Variants in TMPRSS9 observed in about 807,000 individuals in gnomAD.
TMPRSS9 encodes transmembrane protease serine 9.
TMPRSS9 carries 113 observed loss-of-function variants against 111.4 expected under a neutral mutation model. That is an observed-to-expected ratio of 1.01 (90% confidence interval 0.87 to 1.19). The LOEUF is 1.19. TMPRSS9 is among the 50% of genes most tolerant of loss of function. The pLI, the probability that TMPRSS9 is intolerant of heterozygous loss-of-function variation, is 0.00. For missense variants in TMPRSS9, 1,803 were observed against 1,513.1 expected, an observed-to-expected ratio of 1.19 and a Z score of -3.18; for synonymous variants, 805 against 659.1, an observed-to-expected ratio of 1.22 and a Z score of -3.39.
At chr19:2,420,766 T>C (rs1971445945) in intron 13 of TMPRSS9, among the ~76,000 whole-genome samples, 1 of 152,228 alleles carries the variant, frequency 6.6e-6, no homozygotes, top group Admixed American at 6.5e-5. Flanking sequence ...GTGTCTTGCA[T>C]AGTCTTTTCT....
At chr19:2,387,281 G>T (rs1970496816), upstream of TMPRSS9, among the ~76,000 whole-genome samples, 1 of 152,084 alleles carries the variant, frequency 6.6e-6, no homozygotes, top group African/African-American at 2.4e-5. Context: ...GATCAACTGA[G>T]GTCAGGAGTT....
chr19:2,389,556 T>C (rs1255526408), upstream of TMPRSS9, among the ~76,000 whole-genome samples: 2 of 151,762 alleles, frequency 1.3e-5, no homozygotes, highest in Non-Finnish European at 2.9e-5. Context: ...TTAGTAGAGA[T>C]GGGGTTTCTC....
At chr19:2,386,805 A>G (rs900244235), upstream of TMPRSS9, among the ~76,000 whole-genome samples, 27 of 151,896 alleles carry the variant, frequency 1.8e-4, no homozygotes, top group Non-Finnish European at 3.5e-4. Flanking sequence ...CAGCCTGGCC[A>G]ATATGGTGAA....
intron 6 of TMPRSS9, 105 bp downstream of exon 7, chr19:2,403,300 C>G (rs1489990943): frequency 1.0e-6 from 1 of 959,974 alleles, no homozygotes; most frequent in East Asian, 2.7e-5. Context: ...GGCACACAGG[C>G]CTGGCATTTA....
rs141717462 is a variant in TMPRSS9, at chr19:2,374,327, C to G, written c.-26+13967C>G. On this transcript the variant is annotated intron_variant, in intron 1 of 17. Transcript: ENST00000649857. ...GTGGCTCACGCCTGTAATCCCCGCA[C>G]TTTGGGAGGCCGAGGCCGGTGGATC... Among the ~76,000 whole-genome samples, 692 of 130,450 alleles carry G rather than the reference C, an allele frequency of 5.3e-3. 5 individuals carry two copies. The highest frequency in any genetic ancestry group is 0.019 in the African/African-American group (665 of 35,008). The allele number at this position is 130,450 out of a possible 152,430, so 85.6% of individuals were successfully genotyped here.
At chr19:2,393,167 C>G (rs561318719) in intron 1 of TMPRSS9, among the ~76,000 whole-genome samples, 18 of 152,100 alleles carry the variant, frequency 1.2e-4, no homozygotes, top group Non-Finnish European at 2.6e-4. Context: ...GGCTTGGGGA[C>G]CTTTTCACAG....
intron 1 of TMPRSS9, among the ~76,000 whole-genome samples, chr19:2,374,709 G>T (rs1970317467): frequency 6.6e-6 from 1 of 152,086 alleles, no homozygotes; most frequent in African/African-American, 2.4e-5. Flanking sequence ...CTTGGAGGAA[G>T]GTTTCTCCTC....
chr19:2,381,355 T>C (rs1215179019), intron 1 of TMPRSS9, among the ~76,000 whole-genome samples: 1 of 151,244 alleles, frequency 6.6e-6, no homozygotes, highest in East Asian at 1.9e-4. Context: ...ACACTGTGTG[T>C]GTGTGTGCGT....
rs370568818 is a variant in TMPRSS9 at position 2,415,851 on chromosome 19, G to A, written c.1745+10G>A. 1.9e-4 allele frequency: 303 copies of A among 1,565,566 alleles called. No homozygotes were observed. Among genetic ancestry groups the A allele is most frequent in the South Asian group, 2.8e-4 (24 of 85,494 alleles). On this transcript the variant is annotated intron_variant, in intron 11 of 17. Coordinates refer to ENST00000648592, the Ensembl canonical transcript of TMPRSS9. ...CCCACTGCTTCAACCAGTAAGGCCC[G>A]CCTCCTCCAGGAAGGCTGCCCGGCT...
At chr19:2,385,710 G>C (rs756173811), upstream of TMPRSS9, among the ~76,000 whole-genome samples, 503 of 152,054 alleles carry the variant, frequency 3.3e-3, 2 homozygotes, top group Middle Eastern at 0.031. Flanking sequence ...AAAATTAACC[G>C]GGTGTGGTGG....
At chr19:2,376,464 T>G (rs1194413751) in intron 1 of TMPRSS9, among the ~76,000 whole-genome samples, 2 of 151,890 alleles carry the variant, frequency 1.3e-5, no homozygotes, top group Non-Finnish European at 1.5e-5. Context: ...GTCATTTCTT[T>G]TTTTTTTCTT....
upstream of TMPRSS9, among the ~76,000 whole-genome samples, chr19:2,385,688 A>G (rs1970462983): frequency 6.6e-6 from 1 of 151,922 alleles, no homozygotes; most frequent in Non-Finnish European, 1.5e-5. Flanking sequence ...CCCAATCTCT[A>G]CAGAGTATAA....
rs1004933799 is a variant in TMPRSS9, at chr19:2,410,533, C to T, written c.1254+139C>T. On this transcript the variant is annotated intron_variant, in intron 9 of 17. Coordinates refer to ENST00000648592, the Ensembl canonical transcript of TMPRSS9. ...GACCCCAGAAAAACACAGACACGAGCGTGTTCAAATGCTGGGCGATTCACA... is the reference window on the plus strand; with the variant it reads ...GACCCCAGAAAAACACAGACACGAGTGTGTTCAAATGCTGGGCGATTCACA... The T allele has an allele frequency of 4.8e-6, 6 of 1,239,422 alleles. No homozygotes were observed. The East Asian group carries it at 7.7e-5, about 16-fold the overall frequency. 76.8% of individuals were successfully genotyped at this position (1,239,422 alleles called of 1,614,324 possible). A position where few individuals can be genotyped will look rare whatever the true frequency, so the allele number is the denominator to read the frequency against.
chr19:2,374,463 A>G (rs934795637), intron 1 of TMPRSS9, among the ~76,000 whole-genome samples: 8 of 151,618 alleles, frequency 5.3e-5, no homozygotes, highest in African/African-American at 1.9e-4. Flanking sequence ...AGTCCCAGCT[A>G]CTTGGGAGAC....
rs1002852573 is a variant in TMPRSS9 at position 2,371,887 on chromosome 19, G to A, written c.-26+11527G>A. Among the ~76,000 whole-genome samples the A allele has an allele frequency of 3.9e-5, 6 of 152,294 alleles. 1 individual carries two copies. The highest frequency in any genetic ancestry group is 4.1e-4 in the South Asian group (2 of 4,824). The stretch of plus-strand genomic sequence containing the variant: ...GGCCAGAGGATGCCGAGAGAGTGGC[G>A]TCTGTTGGGCTGGAGGCTGGTCGAG... On this transcript the variant is annotated intron_variant, in intron 1 of 17. Transcript: ENST00000649857.
At chr19:2,412,739 G>A (rs1043040393) in intron 9 of TMPRSS9, among the ~76,000 whole-genome samples, 1 of 152,116 alleles carries the variant, frequency 6.6e-6, no homozygotes, top group Admixed American at 6.6e-5. Context: ...TTTTAGCATG[G>A]CTGTGGATTC....
At chr19:2,374,026 TGAG>T (rs1245456275) in intron 1 of TMPRSS9, among the ~76,000 whole-genome samples, 2 of 152,112 alleles carry the variant, frequency 1.3e-5, no homozygotes, top group African/African-American at 2.4e-5. Context: ...TGTCTATCCT[TGAG>T]GAGTTGAGAG....
chr19:2,393,214 C>T (rs190688305), intron 1 of TMPRSS9, among the ~76,000 whole-genome samples: 1 of 152,282 alleles, frequency 6.6e-6, no homozygotes, highest in Admixed American at 6.6e-5. Flanking sequence ...TGCGAGAAAT[C>T]TTGCTGCTGC....
chr19:2,425,507 CG>C lies in TMPRSS9; in HGVS notation c.3120+16del. On this transcript the variant is annotated intron_variant, in intron 17 of 17. Transcript: ENST00000648592. Reference sequence around the variant, plus strand: ...GACAGCTGCTCGGTGAGCCCCGCCCCGGCCCAGGGGACCAGGTCCCGCCCAG... The same window carrying C: ...GACAGCTGCTCGGTGAGCCCCGCCCCGCCCAGGGGACCAGGTCCCGCCCAG... 1 of 1,558,922 alleles carries C rather than the reference CG, an allele frequency of 6.4e-7. No homozygotes were observed. The highest frequency in any genetic ancestry group is 8.6e-7 in the Non-Finnish European group (1 of 1,160,248).
Sources: allele counts gnomAD v4.1 joint callset (sites outside exome capture counted in the v4.1 genomes callset), GRCh38; gene constraint gnomAD v4.1.1; transcripts MANE v1.5; gene names NCBI Gene and HGNC (gene_info 2026-07-23, HGNC 2026-07-21).